Variants in TMEM108 observed in about 807,000 individuals in gnomAD.
TMEM108 encodes the protein cancer/testis antigen 124.
In TMEM108, 12 loss-of-function variants were observed where a neutral mutation model predicts 35.1. That is an observed-to-expected ratio of 0.34 (90% CI 0.22 to 0.55). The LOEUF (loss-of-function observed/expected upper bound fraction) is 0.55, where lower values mean the gene tolerates loss of function less well. Ranked by LOEUF, TMEM108 falls within the 20% of genes least tolerant of loss-of-function variation. The probability of loss-of-function intolerance (pLI) is 0.89; values close to 1 mark genes in which losing one functional copy is unlikely to be tolerated. For missense variants in TMEM108, 680 were observed against 753.3 expected (o/e 0.90, Z 1.14); for synonymous variants, 287 against 308.6 (o/e 0.93, Z 0.73).
intron 3 of TMEM108, among the ~76,000 whole-genome samples, chr3:133,233,188 C>A (rs6796567): frequency 6.6e-6 from 1 of 152,046 alleles, no homozygotes; most frequent in Non-Finnish European, 1.5e-5. Flanking sequence ...TATCCCTCCC[C>A]GCTCCGCCAC....
At chr3:133,200,560 C>T (rs1423231560) in intron 2 of TMEM108, among the ~76,000 whole-genome samples, 6 of 152,170 alleles carry the variant, frequency 3.9e-5, no homozygotes, top group Non-Finnish European at 8.8e-5. Context: ...AAACCCAATC[C>T]TCCCTGCCTC....
intron 2 of TMEM108, among the ~76,000 whole-genome samples, chr3:133,112,594 C>T (rs1484528856): frequency 1.3e-5 from 2 of 152,142 alleles, no homozygotes; most frequent in Non-Finnish European, 2.9e-5. Flanking sequence ...CTTTTATCTT[C>T]CCTCAACCCT....
At chr3:133,348,897 A>G (rs1157694343) in intron 3 of TMEM108, among the ~76,000 whole-genome samples, 1 of 152,182 alleles carries the variant, frequency 6.6e-6, no homozygotes, top group African/African-American at 2.4e-5. Flanking sequence ...ATTGGGAAGG[A>G]CTTTTCTTTG....
At chr3:133,389,297 A>C (rs1055142990) in intron 4 of TMEM108, 1 of 985,388 alleles carries the variant, frequency 1.0e-6, no homozygotes, top group African/African-American at 1.7e-5. Flanking sequence ...CACATGTCAC[A>C]CTGTGCTCAG....
At chr3:133,196,644 A>G (rs1246842014) in intron 2 of TMEM108, among the ~76,000 whole-genome samples, 1 of 152,236 alleles carries the variant, frequency 6.6e-6, no homozygotes, top group Non-Finnish European at 1.5e-5. Flanking sequence ...CAGAGAAACC[A>G]TCACAGTGGT....
chr3:133,104,742 A>G (rs1179262209), intron 2 of TMEM108, among the ~76,000 whole-genome samples: 1 of 152,290 alleles, frequency 6.6e-6, no homozygotes, highest in Non-Finnish European at 1.5e-5. Flanking sequence ...GAAAACTCTC[A>G]GTGTTCTCTA....
intron 3 of TMEM108, among the ~76,000 whole-genome samples, chr3:133,274,600 C>T (rs1360663160): frequency 4.6e-5 from 7 of 152,166 alleles, no homozygotes; most frequent in African/African-American, 1.7e-4. Flanking sequence ...ATTTGTTTCT[C>T]TGTGAATTTA....
At chr3:133,120,660 A>G (rs1944341969) in intron 2 of TMEM108, among the ~76,000 whole-genome samples, 1 of 134,916 alleles carries the variant, frequency 7.4e-6, no homozygotes, top group African/African-American at 2.8e-5. Flanking sequence ...CTGCGGTACT[A>G]TGGATCTACA....
rs1019304142 is a variant in TMEM108 at position 133,062,455 on chromosome 3, G to A, written c.-47+16435G>A. On this transcript the variant is annotated intron_variant, in intron 2 of 5. Transcript: ENST00000321871. ...AATCAGGATAGATTTAAAGGAATTTGGTTAGTGACCTTGAATCTTTAATGT... is the reference window on the plus strand; with the variant it reads ...AATCAGGATAGATTTAAAGGAATTTAGTTAGTGACCTTGAATCTTTAATGT... Among the ~76,000 whole-genome samples, 10 of 152,126 alleles carry A rather than the reference G, an allele frequency of 6.6e-5. No individual in the cohort carries two copies. The East Asian group carries it at 1.9e-3, about 29-fold the overall frequency.
intron 2 of TMEM108, among the ~76,000 whole-genome samples, chr3:133,110,471 A>C (rs1944211694): frequency 6.6e-6 from 1 of 152,212 alleles, no homozygotes; most frequent in African/African-American, 2.4e-5. Flanking sequence ...TCTGTCCAGG[A>C]ATCCTTCAAT....
intron 2 of TMEM108, among the ~76,000 whole-genome samples, chr3:133,126,993 A>G (rs1266448470): frequency 2.6e-5 from 4 of 152,178 alleles, no homozygotes; most frequent in Non-Finnish European, 5.9e-5. Context: ...TGTAATTAAT[A>G]TAACTATTAA....
intron 2 of TMEM108, among the ~76,000 whole-genome samples, chr3:133,094,221 A>ACCCCACC (rs1378631417): frequency 9.3e-4 from 32 of 34,336 alleles, no homozygotes; most frequent in African/African-American, 3.0e-3. Context: ...CCCACCTCCC[A>ACCCCACC]CCCCACCCCC....
intron 2 of TMEM108, among the ~76,000 whole-genome samples, chr3:133,107,951 G>C (rs1944176085): frequency 6.6e-6 from 1 of 152,276 alleles, no homozygotes; most frequent in African/African-American, 2.4e-5. Flanking sequence ...GTTGTTTATA[G>C]CTGGGCACGG....
chr3:133,075,557 A>C (rs115952320), intron 2 of TMEM108, among the ~76,000 whole-genome samples: 2,535 of 152,200 alleles, frequency 0.017, 82 homozygotes, highest in African/African-American at 0.058. Context: ...CCAGACCATC[A>C]CTAGTTTTCT....
chr3:133,220,659 A>G, intron 2 of TMEM108, among the ~76,000 whole-genome samples: 1 of 152,198 alleles, frequency 6.6e-6, no homozygotes, highest in Non-Finnish European at 1.5e-5. Context: ...TTCCCTACAC[A>G]TGAAGCAATT....
At chr3:133,137,905 G>A (rs1224208218) in intron 2 of TMEM108, among the ~76,000 whole-genome samples, 3 of 152,106 alleles carry the variant, frequency 2.0e-5, no homozygotes, top group Admixed American at 1.3e-4. Context: ...TAATTTACAT[G>A]GAGTGTTCTG....
intron 2 of TMEM108, among the ~76,000 whole-genome samples, chr3:133,224,876 G>T (rs1946045796): frequency 6.7e-6 from 1 of 149,770 alleles, no homozygotes; most frequent in Non-Finnish European, 1.5e-5. Context: ...CTCCTGTGGG[G>T]AATTTCTCAC....
intron 2 of TMEM108, among the ~76,000 whole-genome samples, chr3:133,130,650 G>T (rs1190405536): frequency 6.6e-6 from 1 of 152,184 alleles, no homozygotes; most frequent in East Asian, 1.9e-4. Context: ...AGTTACAAAG[G>T]CCACTTAGGT....
chr3:133,056,789 A>G (rs1367585050), intron 2 of TMEM108, among the ~76,000 whole-genome samples: 3 of 152,196 alleles, frequency 2.0e-5, no homozygotes, highest in Non-Finnish European at 4.4e-5. Context: ...ATCTGCCCAT[A>G]TCAGAAATTG....
Sources: gnomAD v4.1 joint callset for allele counts (sites outside exome capture counted in the v4.1 genomes callset) on GRCh38, gnomAD v4.1.1 for gene constraint, MANE v1.5 for transcripts, NCBI Gene and HGNC (gene_info 2026-07-23, HGNC 2026-07-21) for gene names.